The following ZDHHC23 variants were observed in gnomAD, a reference collection of about 807,000 sequenced individuals.
ZDHHC23 encodes the protein zDHHC palmitoyltransferase 23.
In ZDHHC23, 41 loss-of-function variants were observed where a neutral mutation model predicts 40.2. The ratio of observed to expected loss-of-function variants is 1.02; its 90% CI spans 0.79 to 1.32. The LOEUF is 1.32. ZDHHC23 is among the 40% of genes most tolerant of loss of function. The pLI is 0.00. For missense variants in ZDHHC23, 471 were observed against 541.5 expected, an observed-to-expected ratio of 0.87 and a Z score of 1.29; for synonymous variants, 204 against 210.2, an observed-to-expected ratio of 0.97 and a Z score of 0.26.
chr3:113,953,944 GA>G lies in ZDHHC23; in HGVS notation c.408del (p.Glu136AspfsTer7). The G allele has an allele frequency of 1.2e-6, 2 of 1,614,184 alleles. No individual in the cohort carries two copies. The highest frequency in any genetic ancestry group is 1.7e-6 in the Non-Finnish European group (2 of 1,180,028). ...CTACTACCTCACTCACAGAAGGAAAGAACAGACCCTGTTTTTCCTGAGCCTT... is the reference window on the plus strand; with the variant it reads ...CTACTACCTCACTCACAGAAGGAAAGACAGACCCTGTTTTTCCTGAGCCTT... Reference protein sequence around the residue: ...WYYYLTHRRKEQTLFFLSLGL... With the variant: ...WYYYLTHRRKXQTLFFLSLGL... On this transcript the variant is annotated frameshift_variant, in exon 3 of 5. Coordinates refer to ENST00000638807, the MANE Select transcript of ZDHHC23 (RefSeq NM_001320466.2). LOFTEE classifies it high-confidence loss of function.
At chr3:113,951,949 A>T (rs937136555) in intron 2 of ZDHHC23, among the ~76,000 whole-genome samples, 1 of 152,050 alleles carries the variant, frequency 6.6e-6, no homozygotes, top group East Asian at 1.9e-4. Flanking sequence ...ACCAGCCTGA[A>T]CGACATGGAG....
chr3:113,970,955 T>C, the ZDHHC23 span, among the ~76,000 whole-genome samples: 2 of 152,238 alleles, frequency 1.3e-5, no homozygotes, highest in African/African-American at 2.4e-5. Context: ...ATTTTCTTAA[T>C]CCAGTCTATC....
chr3:113,955,571 G>A (rs1939141120), intron 3 of ZDHHC23, among the ~76,000 whole-genome samples: 1 of 152,090 alleles, frequency 6.6e-6, no homozygotes, highest in African/African-American at 2.4e-5. Context: ...TTATCAAGTT[G>A]TTCTTCCCCC....
At chr3:113,958,311 T>C in intron 4 of ZDHHC23, 52 bp from the exon 5 acceptor site, 1 of 1,511,640 alleles carries the variant, frequency 6.6e-7, no homozygotes, top group South Asian at 1.2e-5. Context: ...TGATGACAGT[T>C]TTCTGAATTT....
Position 113,959,281 on chromosome 3 carries a change from T to C in ZDHHC23, c.*651T>C, listed in dbSNP as rs1939516496. On this transcript the variant is annotated 3_prime_UTR_variant, in exon 5 of 5. Coordinates refer to ENST00000638807, the MANE Select transcript of ZDHHC23 (RefSeq NM_001320466.2). ...TTGTACAGTTATGAGAATTTCTCCT[T>C]CTTATTAGACATGAACTACTCAAAC... The C allele has an allele frequency of 2.8e-6, 3 of 1,085,530 alleles. No individual in the cohort carries two copies. The highest frequency in any genetic ancestry group is 3.8e-5 in the Admixed American group (1 of 25,998). The allele number at this position is 1,085,530 out of a possible 1,614,324, so 67.2% of individuals were successfully genotyped here.
intron 3 of ZDHHC23, 21 bp from the exon 4 acceptor site, chr3:113,956,318 A>G (rs372313291): frequency 6.3e-7 from 1 of 1,594,904 alleles, no homozygotes; most frequent in Non-Finnish European, 8.5e-7. Flanking sequence ...TTGCTTTTTT[A>G]TTTCTCTATG....
rs1265490915 is a variant in ZDHHC23 at position 113,962,659 on chromosome 3, G to A, written c.*4029G>A. On this transcript the variant is annotated 3_prime_UTR_variant, in exon 5 of 5. Transcript: ENST00000638807. ...GTGATTGGATGGTTTGAGTTGTTAG[G>A]GATTTTGAGTTTTTCATTTTATTGC... 2 of 152,106 alleles carry A rather than the reference G, an allele frequency of 1.3e-5. No homozygotes were observed. The highest frequency in any genetic ancestry group is 2.9e-5 in the Non-Finnish European group (2 of 68,010). The allele number at this position is 152,106 out of a possible 1,614,324, so 9.4% of individuals were successfully genotyped here.
rs778347597 is a variant in ZDHHC23, at chr3:113,948,779, G to T, written c.-24G>T. 1 of 1,613,750 alleles carries T rather than the reference G, an allele frequency of 6.2e-7. No individual in the cohort carries two copies. The highest frequency in any genetic ancestry group is 8.5e-7 in the Non-Finnish European group (1 of 1,179,906). ...CCTTTACCTTCTGAGGGCTTCTTAC[G>T]CCTCATGGTGACAGGTGCAAATCAT... On this transcript the variant is annotated 5_prime_UTR_variant, in exon 2 of 5. Coordinates refer to ENST00000638807, the MANE Select transcript of ZDHHC23 (RefSeq NM_001320466.2).
At chr3:113,978,902 A>C in the ZDHHC23 span, 151 of 1,614,102 alleles carry the variant, frequency 9.4e-5, no homozygotes, top group African/African-American at 1.7e-3. Context: ...ATTTGGGAAT[A>C]AAATTGATCA....
At chr3:113,955,393 CGTGT>C (rs991992209) in intron 3 of ZDHHC23, among the ~76,000 whole-genome samples, 23 of 124,698 alleles carry the variant, frequency 1.8e-4, no homozygotes, top group Non-Finnish European at 3.2e-4. Flanking sequence ...TGTGTGTGTG[CGTGT>C]GTGTTCCATT....
intron 4 of ZDHHC23, among the ~76,000 whole-genome samples, chr3:113,957,207 A>G (rs758222652): frequency 9.9e-5 from 15 of 151,950 alleles, no homozygotes; most frequent in Non-Finnish European, 1.3e-4. Flanking sequence ...CCTTCCCTTC[A>G]TCATCCTCTC....
At chr3:113,969,994 T>A (rs1940635195), downstream of ZDHHC23, among the ~76,000 whole-genome samples, 2 of 152,206 alleles carry the variant, frequency 1.3e-5, no homozygotes, top group Admixed American at 1.3e-4. Flanking sequence ...GGCATATCTT[T>A]CTATATGTTT....
chr3:113,948,611 G>T, intron 1 of ZDHHC23, 75 bp from the exon 2 acceptor site: 1 of 605,518 alleles, frequency 1.7e-6, no homozygotes, highest in South Asian at 2.3e-5. Flanking sequence ...CCCCCTGTGT[G>T]GCCAGGCGGA....
downstream of ZDHHC23, among the ~76,000 whole-genome samples, chr3:113,966,265 G>A (rs752980457): frequency 2.6e-5 from 4 of 152,192 alleles, no homozygotes; most frequent in Non-Finnish European, 5.9e-5. Context: ...TGGAAACATG[G>A]TATGGAAGAC....
At chr3:113,978,349 A>T in the ZDHHC23 span, 1 of 1,611,700 alleles carries the variant, frequency 6.2e-7, no homozygotes, top group Non-Finnish European at 8.5e-7. Context: ...TGAAGACAGA[A>T]ATAAAAGTGA....
chr3:113,974,614 C>T, the ZDHHC23 span, among the ~76,000 whole-genome samples: 23 of 152,228 alleles, frequency 1.5e-4, 1 homozygote, highest in South Asian at 6.2e-4. Flanking sequence ...CCACCACGCC[C>T]GGCCAACTCG....
At chr3:113,965,493 G>A (rs952189559), downstream of ZDHHC23, 20 of 509,030 alleles carry the variant, frequency 3.9e-5, no homozygotes, top group African/African-American at 2.5e-4. Flanking sequence ...AATCACAATC[G>A]GGATTATGAC....
At chr3:113,978,792 A>T in the ZDHHC23 span, 1 of 1,529,696 alleles carries the variant, frequency 6.5e-7, no homozygotes, top group African/African-American at 1.4e-5. Flanking sequence ...TCTGGATTTC[A>T]TTTAGTTTTC....
chr3:113,972,245 TA>T, the ZDHHC23 span, among the ~76,000 whole-genome samples: 1 of 152,244 alleles, frequency 6.6e-6, no homozygotes, highest in East Asian at 1.9e-4. Flanking sequence ...TTACTGCTTT[TA>T]CTATAACCTA....
Sources: gnomAD v4.1 joint callset for allele counts (sites outside exome capture counted in the v4.1 genomes callset) on GRCh38, gnomAD v4.1.1 for gene constraint, MANE v1.5 for transcripts, NCBI Gene and HGNC (gene_info 2026-07-23, HGNC 2026-07-21) for gene names.